CD164: variants seen among roughly 807,000 people sequenced by gnomAD.
The protein encoded by CD164 is CD164 molecule, also known as sialomucin core protein 24.
In CD164, 11 loss-of-function variants were observed where a neutral mutation model predicts 24.6. The observed-to-expected ratio is 0.45, with a 90% confidence interval of 0.28 to 0.74. The LOEUF (loss-of-function observed/expected upper bound fraction) is 0.74, where lower values mean the gene tolerates loss of function less well. CD164 is among the 30% of genes least tolerant of loss of function. The pLI is 0.13. For missense variants in CD164, 295 were observed against 243.7 expected (o/e 1.21, Z -1.40); for synonymous variants, 126 against 100.3 (o/e 1.26, Z -1.53).
At chr6:109,370,328 G>T in intron 5 of CD164, 83 bp downstream of exon 5, 2 of 1,127,662 alleles carry the variant, frequency 1.8e-6, no homozygotes, top group South Asian at 1.3e-5. Context: ...AACGAAGAAA[G>T]CTGGAAAATG....
In CD164 at chr6:109,366,830, G is replaced by A. The variant is rs1770785204; in HGVS notation, c.*2021C>T. On this transcript the variant is annotated 3_prime_UTR_variant, in exon 6 of 6. Coordinates refer to ENST00000310786, the MANE Select transcript of CD164 (RefSeq NM_006016.6). ...TGAGTTCTGTTGCAAGAGCTCATTT[G>A]TAGACTTGCAAAATCTAACTAATTT... 1.3e-5 allele frequency: 2 copies of A among 152,514 alleles called. No homozygotes were observed. The highest frequency in any genetic ancestry group is 4.8e-5 in the African/African-American group (2 of 41,450). 9.4% of individuals were successfully genotyped at this position (152,514 alleles called of 1,614,324 possible).
Position 109,382,336 on chromosome 6 carries a change from G to C in CD164, c.43C>G (p.Leu15Val), listed in dbSNP as rs369231757. ...SRSLLWAATCLGVLCVLSADK... is the reference protein window; with the variant it reads ...SRSLLWAATCVGVLCVLSADK... ...GCGGACAGCACGCAGAGCACGCCCA[G>C]GCAGGTGGCGGCCCAAAGCAGTGAG... Residue 15 changes from leucine to valine, a missense_variant, in exon 1 of 6, where the codon CTG (leucine) becomes GTG (valine). Leu to Val is a conservative substitution (Grantham distance 32). Coordinates refer to ENST00000310786, the MANE Select transcript of CD164 (RefSeq NM_006016.6). 8 of 1,566,534 alleles carry C rather than the reference G, an allele frequency of 5.1e-6. No individual in the cohort carries two copies. In the African/African-American group the frequency reaches 6.8e-5, roughly 13 times the overall value.
At chr6:109,375,810 C>A (rs530034818) in intron 4 of CD164, 15 of 344,286 alleles carry the variant, frequency 4.4e-5, no homozygotes, top group Non-Finnish European at 7.2e-5. Flanking sequence ...AAGATTTCCA[C>A]TAAATCTATA....
Position 109,382,464 on chromosome 6 carries a change from G to T in CD164, c.-86C>A. 1 of 1,311,360 alleles carries T rather than the reference G, an allele frequency of 7.6e-7. No homozygotes were observed. Among genetic ancestry groups the T allele is most frequent in the Non-Finnish European group, 1.0e-6 (1 of 1,002,758 alleles). The allele number at this position is 1,311,360 out of a possible 1,614,324, so 81.2% of individuals were successfully genotyped here. A position where few individuals can be genotyped will look rare whatever the true frequency, so the allele number is the denominator to read the frequency against. ...CAATCCCCTGCGGCGCCGCCTCCGA[G>T]ACTACGCTCCCCCGCGGGAGCGCGC... On this transcript the variant is annotated 5_prime_UTR_variant, in exon 1 of 6. Transcript: ENST00000310786.
intron 3 of CD164, among the ~76,000 whole-genome samples, chr6:109,377,492 G>A (rs1159326249): frequency 1.3e-5 from 2 of 152,044 alleles, no homozygotes; most frequent in African/African-American, 4.8e-5. Context: ...GTATAGAAAA[G>A]CTCATTTAAC....
At chr6:109,377,225 T>C (rs1309486620) in intron 3 of CD164, among the ~76,000 whole-genome samples, 1 of 152,186 alleles carries the variant, frequency 6.6e-6, no homozygotes, top group Non-Finnish European at 1.5e-5. Flanking sequence ...AGTTACAAAA[T>C]TCACATTGGG....
chr6:109,376,118 A>AAAAAAAG lies in CD164; in HGVS notation c.332-13_332-7dup, dbSNP rs759162918. The stretch of plus-strand genomic sequence containing the variant: ...CACTGGAGTGGCCGTGGAAACTATT[A>AAAAAAAG]AAAAAAGAAAAAAGAAAAACCATAT... On this transcript the variant is annotated splice_region_variant and splice_polypyrimidine_tract_variant and intron_variant, in intron 3 of 5. Transcript: ENST00000310786. 6.4e-6 allele frequency: 10 copies of AAAAAAAG among 1,558,540 alleles called. No homozygotes were observed. In the African/African-American group the frequency reaches 1.3e-4, roughly 20 times the overall value.
At chr6:109,372,821 G>A (rs781248505) in intron 4 of CD164, 15 of 152,180 alleles carry the variant, frequency 9.9e-5, no homozygotes, top group South Asian at 4.1e-4. Context: ...GTTTGACAAT[G>A]TTAGGAAAAA....
At chr6:109,375,840 A>C (rs1771374844) in intron 4 of CD164, 2 of 455,848 alleles carry the variant, frequency 4.4e-6, no homozygotes, top group Non-Finnish European at 7.6e-6. Flanking sequence ...TTATAGACTC[A>C]ATGTACACAG....
chr6:109,373,912 C>T lies in CD164; in HGVS notation c.370+2162G>A, dbSNP rs972027277. 2.0e-5 allele frequency among the ~76,000 whole-genome samples: 3 copies of T among 152,302 alleles called. 1 individual carries two copies. Among genetic ancestry groups the T allele is most frequent in the South Asian group, 4.1e-4 (2 of 4,826 alleles). ...GAACATGGGCTGGGAAGAGCTACTA[C>T]ACAATAACTGGCTAGCAAAAGCTGG... On this transcript the variant is annotated intron_variant, in intron 4 of 5. Coordinates refer to ENST00000310786, the MANE Select transcript of CD164 (RefSeq NM_006016.6).
At chr6:109,377,359 A>G (rs1771469348) in intron 3 of CD164, among the ~76,000 whole-genome samples, 1 of 152,186 alleles carries the variant, frequency 6.6e-6, no homozygotes, top group African/African-American at 2.4e-5. Flanking sequence ...TGCCTTTCCC[A>G]CTGATTTACA....
At chr6:109,370,361 A>T (rs765555903) in intron 5 of CD164, 50 bp downstream of exon 5, 10 of 1,415,516 alleles carry the variant, frequency 7.1e-6, no homozygotes, top group Non-Finnish European at 9.0e-6. Flanking sequence ...GTAAAGGGCA[A>T]CATCGTGCAC....
chr6:109,381,380 CT>C lies in CD164; in HGVS notation c.175+823del. The C allele has an allele frequency of 7.8e-6, 5 of 637,896 alleles. No homozygotes were observed. In the South Asian group the frequency reaches 9.0e-5, roughly 12 times the overall value. The allele number at this position is 637,896 out of a possible 1,614,324, so 39.5% of individuals were successfully genotyped here. ...CGTTCCACGACCTACTAAACATACG[CT>C]ATCTGAGCACAGGACATAGTTAAGA... On this transcript the variant is annotated intron_variant, in intron 1 of 5. Transcript: ENST00000310786.
chr6:109,371,524 T>C (rs9487076), intron 4 of CD164: 80,386 of 153,696 alleles, frequency 0.52, 22,177 homozygotes, highest in African/African-American at 0.72. Flanking sequence ...GCTGGGATTA[T>C]AAGCATGACT....
chr6:109,382,431 C>G lies in CD164; in HGVS notation c.-53G>C. On this transcript the variant is annotated 5_prime_UTR_variant, in exon 1 of 6. Transcript: ENST00000310786. The stretch of plus-strand genomic sequence containing the variant: ...AAAGCTAAGGCTCGCAACGCTCAGT[C>G]AACCCCTCAATCCCCTGCGGCGCCG... 3 of 1,445,196 alleles carry G rather than the reference C, an allele frequency of 2.1e-6. No homozygotes were observed. Among genetic ancestry groups the G allele is most frequent in the Non-Finnish European group, 2.7e-6 (3 of 1,091,174 alleles). 89.5% of individuals were successfully genotyped at this position (1,445,196 alleles called of 1,614,324 possible). A position where few individuals can be genotyped will look rare whatever the true frequency, so the allele number is the denominator to read the frequency against.
In CD164 at chr6:109,379,614, A is replaced by G; in HGVS notation, c.224T>C (p.Val75Ala). 1 of 1,613,750 alleles carries G rather than the reference A, an allele frequency of 6.2e-7. No homozygotes were observed. The highest frequency in any genetic ancestry group is 1.1e-5 in the South Asian group (1 of 90,978). The change falls in exon 2 of 6, where the codon GTT (valine) becomes GCT (alanine). Residue 75 changes from valine to alanine, a missense_variant. Physicochemically the swap from Val to Ala is moderately conservative, Grantham distance 64. Transcript: ENST00000310786. ...TATCCAAAAGCAGGTAGTATTAACA[A>G]CGCTAACATTAAAACAGGAAACGCA... ...NSCVSCFNVS[V>A]VNTTCFWIEC...
chr6:109,381,452 AG>A, intron 1 of CD164: 1 of 699,750 alleles, frequency 1.4e-6, no homozygotes, highest in Non-Finnish European at 2.6e-6. Context: ...CAATGTCAGG[AG>A]AGTTTACTCA....
intron 1 of CD164, chr6:109,380,606 A>G (rs1771683588): frequency 6.6e-6 from 1 of 152,254 alleles, no homozygotes; most frequent in Non-Finnish European, 1.5e-5. Context: ...TGTATAGATA[A>G]AACATGCTGT....
At position 109,368,322 on chromosome 6, in the gene CD164, A is replaced by T. The variant is rs1770883070; in HGVS notation, c.*529T>A. The stretch of plus-strand genomic sequence containing the variant: ...AATGTAGTTCCTTGTGTGGCATCTT[A>T]TTTCTAATGTAGAAAAAACAGCTGT... On this transcript the variant is annotated 3_prime_UTR_variant, in exon 6 of 6. Coordinates refer to ENST00000310786, the MANE Select transcript of CD164 (RefSeq NM_006016.6). The T allele has an allele frequency of 2.6e-6, 4 of 1,541,774 alleles. No individual in the cohort carries two copies. Among genetic ancestry groups the T allele is most frequent in the Non-Finnish European group, 3.5e-6 (4 of 1,142,186 alleles).
Sources: allele counts gnomAD v4.1 joint callset (sites outside exome capture counted in the v4.1 genomes callset), GRCh38; gene constraint gnomAD v4.1.1; transcripts MANE v1.5; gene names NCBI Gene and HGNC (gene_info 2026-07-23, HGNC 2026-07-21).